The following ATG2A variants were observed in gnomAD, a reference collection of about 807,000 sequenced individuals.
ATG2A encodes the protein autophagy related 2A.
In ATG2A, 103 loss-of-function variants were observed where a neutral mutation model predicts 214.2. That is an observed-to-expected ratio of 0.48 (90% CI 0.41 to 0.57). ATG2A has a LOEUF of 0.57. ATG2A is among the 20% of genes least tolerant of loss of function. The pLI, the probability that ATG2A is intolerant of heterozygous loss-of-function variation, is 0.00. For missense variants in ATG2A, 2,312 were observed against 2,613.2 expected, an observed-to-expected ratio of 0.88 and a Z score of 2.51; for synonymous variants, 1,160 against 1,142.1, an observed-to-expected ratio of 1.02 and a Z score of -0.32.
At chr11:64,915,507 A>G (rs1347013521) in intron 1 of ATG2A, among the ~76,000 whole-genome samples, 1 of 152,050 alleles carries the variant, frequency 6.6e-6, no homozygotes, top group African/African-American at 2.4e-5. Flanking sequence ...GAGGCCCCAG[A>G]TACTCAGTTT....
At position 64,898,911 on chromosome 11, in the gene ATG2A, C is replaced by T. The variant is rs1405538427; in HGVS notation, c.4465-69G>A. 1 of 1,438,992 alleles carries T rather than the reference C, an allele frequency of 6.9e-7. No homozygotes were observed. The highest frequency in any genetic ancestry group is 9.5e-7 in the Non-Finnish European group (1 of 1,053,378). The allele number at this position is 1,438,992 out of a possible 1,614,324, so 89.1% of individuals were successfully genotyped here. A position where few individuals can be genotyped will look rare whatever the true frequency, so the allele number is the denominator to read the frequency against. ...GAGGGAGGGAAGGGCTGGCCCCAGACCCCTTCTCTATTCTTTTTTTGAGAC... is the reference window on the plus strand; with the variant it reads ...GAGGGAGGGAAGGGCTGGCCCCAGATCCCTTCTCTATTCTTTTTTTGAGAC... On this transcript the variant is annotated intron_variant, in intron 31 of 40. Transcript: ENST00000377264. The surrounding 1 kb of genome is among the most constrained non-coding windows in gnomAD (Gnocchi z 4.5).
At chr11:64,912,041 C>T in intron 8 of ATG2A, 44 bp downstream of exon 8, 1 of 1,612,798 alleles carries the variant, frequency 6.2e-7, no homozygotes, top group Non-Finnish European at 8.5e-7. Flanking sequence ...GCTGCTGCAC[C>T]CACACTAGCT....
In ATG2A at chr11:64,914,066, G is replaced by GT. The variant is rs1456647900; in HGVS notation, c.487+14_487+15insA. The GT allele has an allele frequency of 2.0e-6, 3 of 1,536,928 alleles. No individual in the cohort carries two copies. The African/African-American group carries it at 4.1e-5, about 21-fold the overall frequency. ...GAAGGGCAGGAGACAGGGCGGCCAG[G>GT]AGGGGCCTGCTCACCAGTCTCAATG... On this transcript the variant is annotated intron_variant, in intron 3 of 40. Transcript: ENST00000377264.
At chr11:64,897,375 G>A (rs1439297630) in intron 37 of ATG2A, 37 bp downstream of exon 37, 1 of 1,550,054 alleles carries the variant, frequency 6.5e-7, no homozygotes, top group African/African-American at 1.4e-5. Context: ...AGGAAGATCA[G>A]GGACCCTGGA....
intron 30 of ATG2A, 53 bp from the exon 31 acceptor site, chr11:64,900,682 C>T (rs565342747): frequency 1.6e-5 from 24 of 1,520,992 alleles, no homozygotes; most frequent in African/African-American, 5.5e-5. Flanking sequence ...ATTCCCTCCC[C>T]GTCCTCAGCG....
In ATG2A at chr11:64,913,691, C is replaced by A; in HGVS notation, c.590+130G>T. 1 of 969,122 alleles carries A rather than the reference C, an allele frequency of 1.0e-6. No individual in the cohort carries two copies. The highest frequency in any genetic ancestry group is 1.6e-6 in the Non-Finnish European group (1 of 643,982). 60.0% of individuals were successfully genotyped at this position (969,122 alleles called of 1,614,324 possible). ...TCACGATGCAGCCCACCTCCCCAAC[C>A]CTACCACCACCGAGGCCCATCCAGA... On this transcript the variant is annotated intron_variant, in intron 4 of 40. Transcript: ENST00000377264. This position sits in a 1 kb window ranked among gnomAD's most constrained non-coding sequence, Gnocchi z 4.3.
Position 64,912,140 on chromosome 11 carries a change from A to T in ATG2A, c.1032T>A (p.Ala344=). The T allele has an allele frequency of 6.2e-7, 1 of 1,613,962 alleles. No individual in the cohort carries two copies. The highest frequency in any genetic ancestry group is 8.5e-7 in the Non-Finnish European group (1 of 1,180,026). Residue 344 remains alanine, a synonymous_variant, in exon 8 of 41, where the codon GCT becomes GCA. Transcript: ENST00000377264. ...TAAGGGGGTCTGGGCTGAGGGGCTC[A>T]GCCACTGCCCCTGCCTGCAGCTGCT... is the stretch of plus-strand genomic sequence containing the variant. ...LNQQLQAGAV[A]EPLSPDPLTN... is the part of the protein sequence containing the mutation.
At chr11:64,901,408 C>T (rs1253886476) in intron 29 of ATG2A, among the ~76,000 whole-genome samples, 1 of 152,102 alleles carries the variant, frequency 6.6e-6, no homozygotes, top group Non-Finnish European at 1.5e-5. Context: ...GCTAATCTCT[C>T]ATTGCTGGAC....
chr11:64,905,428 A>G, intron 24 of ATG2A, 135 bp downstream of exon 24: 1 of 1,028,822 alleles, frequency 9.7e-7, no homozygotes, highest in South Asian at 1.5e-5. Flanking sequence ...AGAAAGGCGG[A>G]AACAATCCAC....
intron 29 of ATG2A, 112 bp from the exon 30 acceptor site, chr11:64,901,204 G>T: frequency 8.8e-7 from 1 of 1,131,452 alleles, no homozygotes; most frequent in Non-Finnish European, 1.2e-6. Context: ...TTATAGACAG[G>T]GTCGGGTCAT....
intron 39 of ATG2A, among the ~76,000 whole-genome samples, chr11:64,896,150 TTC>T (rs779389990): frequency 1.3e-5 from 2 of 152,226 alleles, no homozygotes; most frequent in Non-Finnish European, 2.9e-5. Context: ...GCGCCTCAGA[TTC>T]TTAGTCTGCA....
intron 26 of ATG2A, among the ~76,000 whole-genome samples, chr11:64,902,889 G>A (rs1344901825): frequency 4.6e-5 from 7 of 152,166 alleles, no homozygotes; most frequent in Admixed American, 6.5e-5. Context: ...TTGGCCCAGG[G>A]CCATCCAAGG....
In ATG2A at chr11:64,909,165, G is replaced by A. The variant is rs1295071363; in HGVS notation, c.2205-15C>T. 1 of 1,606,348 alleles carries A rather than the reference G, an allele frequency of 6.2e-7. No individual in the cohort carries two copies. Among genetic ancestry groups the A allele is most frequent in the Non-Finnish European group, 8.5e-7 (1 of 1,176,258 alleles). Reference sequence around the variant, plus strand: ...TCACCACTACCCTGCCGGGGCACAGGCCTGTTACTGGCCTGCAGGGCCCCC... The same window carrying A: ...TCACCACTACCCTGCCGGGGCACAGACCTGTTACTGGCCTGCAGGGCCCCC... On this transcript the variant is annotated splice_polypyrimidine_tract_variant and intron_variant, in intron 15 of 40. Coordinates refer to ENST00000377264, the MANE Select transcript of ATG2A (RefSeq NM_015104.3).
chr11:64,912,292 AG>A, intron 7 of ATG2A, 34 bp downstream of exon 7: 1 of 593,908 alleles, frequency 1.7e-6, no homozygotes, highest in Non-Finnish European at 3.0e-6. Flanking sequence ...TGGCCCTCCC[AG>A]CCACCCCACC....
In ATG2A at chr11:64,913,225, G is replaced by A. The variant is rs770585396; in HGVS notation, c.726+41C>T. ...GATGGGAGGGGCTCAATGGGCTCAA[G>A]GGAGAGGAGACAGGGGCTGTGGGAA... On this transcript the variant is annotated intron_variant, in intron 5 of 40. Transcript: ENST00000377264. This position sits in a 1 kb window ranked among gnomAD's most constrained non-coding sequence, Gnocchi z 4.3. 1.2e-6 allele frequency: 2 copies of A among 1,612,138 alleles called. No homozygotes were observed. Among genetic ancestry groups the A allele is most frequent in the South Asian group, 1.1e-5 (1 of 90,774 alleles).
At chr11:64,906,002 G>T in intron 22 of ATG2A, 111 bp downstream of exon 22, 1 of 1,415,178 alleles carries the variant, frequency 7.1e-7, no homozygotes, top group Non-Finnish European at 9.6e-7. Flanking sequence ...AAGGTCAGCT[G>T]TGGCCCAGTC....
chr11:64,907,972 T>G, intron 16 of ATG2A, 82 bp from the exon 17 acceptor site: 1 of 1,475,460 alleles, frequency 6.8e-7, no homozygotes. Context: ...AGTCCTGCCC[T>G]CCTGTCGTTC....
chr11:64,906,607 G>A (rs565683099), intron 20 of ATG2A, 58 bp downstream of exon 20: 51 of 1,608,742 alleles, frequency 3.2e-5, no homozygotes, highest in South Asian at 1.7e-4. Context: ...CATCCGTCCT[G>A]AAAGCCCTCC....
Position 64,907,800 on chromosome 11 carries a change from T to C in ATG2A, c.2455A>G (p.Ser819Gly), listed in dbSNP as rs1371634639. 6.2e-7 allele frequency: 1 copy of C among 1,613,400 alleles called. No individual in the cohort carries two copies. Among genetic ancestry groups the C allele is most frequent in the East Asian group, 2.2e-5 (1 of 44,884 alleles). The change falls in exon 17 of 41, where the codon AGT (serine) becomes GGT (glycine). Residue 819 changes from serine (S) to glycine (G), a missense_variant. Transcript: ENST00000377264. Reference sequence around the variant, plus strand: ...TTGCTGGGCAGAAAGATGTGGACACTGGGCAGGATCACTTCCAGGCTGCAG... The same window carrying C: ...TTGCTGGGCAGAAAGATGTGGACACCGGGCAGGATCACTTCCAGGCTGCAG... ...SRCSLEVILP[S>G]VHIFLPSKEV... is the part of the protein sequence containing the mutation.
Sources: gnomAD v4.1 joint callset for allele counts (sites outside exome capture counted in the v4.1 genomes callset) on GRCh38, gnomAD v4.1.1 for gene constraint, Gnocchi (gnomAD v3.1) non-coding constraint, MANE v1.5 for transcripts, NCBI Gene and HGNC (gene_info 2026-07-23, HGNC 2026-07-21) for gene names.